The following SH3GL3 variants were observed in gnomAD, a reference collection of about 807,000 sequenced individuals.
The protein encoded by SH3GL3 is endophilin-A3.
In SH3GL3, 33 loss-of-function variants were observed where a neutral mutation model predicts 47.7. That is an observed-to-expected ratio of 0.69 (90% CI 0.52 to 0.92). SH3GL3 has a LOEUF of 0.92. SH3GL3 is among the 40% of genes least tolerant of loss of function. SH3GL3 has a pLI of 0.00. For missense variants in SH3GL3, 363 were observed against 417.8 expected (o/e 0.87, Z 1.14); for synonymous variants, 155 against 148.8 (o/e 1.04, Z -0.30).
intron 1 of SH3GL3, among the ~76,000 whole-genome samples, chr15:83,469,240 G>T (rs1439130529): frequency 6.6e-6 from 1 of 151,958 alleles, no homozygotes; most frequent in Non-Finnish European, 1.5e-5. Flanking sequence ...CCTGGTAAAG[G>T]TTTGTCAGTT....
chr15:83,598,282 C>A (rs112294181), intron 8 of SH3GL3, among the ~76,000 whole-genome samples: 1 of 152,116 alleles, frequency 6.6e-6, no homozygotes, highest in African/African-American at 2.4e-5. Context: ...AGAAAGCCAG[C>A]CAGCTTTCAG....
rs528903646 is a variant in SH3GL3, at chr15:83,501,796, C to A, written c.45+54218C>A. ...AATCCCAGCTACTTGGAGGCTGTGG[C>A]AGGAGAATTGCTTGAACCCGGGAAG... On this transcript the variant is annotated intron_variant, in intron 1 of 8. Transcript: ENST00000427482. Among the ~76,000 whole-genome samples the A allele has an allele frequency of 3.1e-4, 47 of 152,150 alleles. 1 individual carries two copies. Among genetic ancestry groups the A allele is most frequent in the Middle Eastern group, 6.8e-3 (2 of 294 alleles).
intron 1 of SH3GL3, chr15:83,488,053 T>G (rs1272563491): frequency 6.6e-6 from 1 of 151,918 alleles, no homozygotes; most frequent in African/African-American, 2.4e-5. Flanking sequence ...TTTTTTTTTG[T>G]ATTTTAGTAG....
intron 8 of SH3GL3, among the ~76,000 whole-genome samples, chr15:83,610,975 C>CA (rs200699726): frequency 1.8e-5 from 2 of 113,122 alleles, no homozygotes; most frequent in African/African-American, 5.8e-5. Flanking sequence ...GGACTTCAGC[C>CA]AAAAAATATA....
chr15:83,565,221 T>C lies in SH3GL3; in HGVS notation c.187+15T>C. ...GCCAAATCCAGGTAAAGTTGAAATATTCTCTTGTTCATTTGCTGTCACAGA... is the reference window on the plus strand; with the variant it reads ...GCCAAATCCAGGTAAAGTTGAAATACTCTCTTGTTCATTTGCTGTCACAGA... On this transcript the variant is annotated intron_variant, in intron 3 of 8. Transcript: ENST00000427482. The C allele has an allele frequency of 6.9e-7, 1 of 1,443,590 alleles. No homozygotes were observed. Among genetic ancestry groups the C allele is most frequent in the South Asian group, 1.2e-5 (1 of 86,594 alleles). 89.4% of individuals were successfully genotyped at this position (1,443,590 alleles called of 1,614,324 possible).
intron 1 of SH3GL3, among the ~76,000 whole-genome samples, chr15:83,507,330 A>G (rs1424713320): frequency 6.6e-6 from 1 of 151,906 alleles, no homozygotes; most frequent in Non-Finnish European, 1.5e-5. Flanking sequence ...TTTTTAATGA[A>G]TGATCTTTAC....
chr15:83,593,410 T>C lies in SH3GL3; in HGVS notation c.838+4639T>C, dbSNP rs574834429. The stretch of plus-strand genomic sequence containing the variant: ...TCACTATTTTTAGAATATATACAGG[T>C]CTTTTAAATTTTTTCATCAATCTCT... On this transcript the variant is annotated intron_variant, in intron 8 of 8. Coordinates refer to ENST00000427482, the MANE Select transcript of SH3GL3 (RefSeq NM_003027.5). Among the ~76,000 whole-genome samples, 26 of 152,350 alleles carry C rather than the reference T, an allele frequency of 1.7e-4. No individual in the cohort carries two copies. In the South Asian group the frequency reaches 4.3e-3, roughly 25 times the overall value.
intron 3 of SH3GL3, among the ~76,000 whole-genome samples, chr15:83,568,015 T>G (rs2045636674): frequency 6.7e-6 from 1 of 150,058 alleles, no homozygotes; most frequent in Non-Finnish European, 1.5e-5. Context: ...AAAGTCTCGC[T>G]CTTGTCCCCC....
chr15:83,631,702 G>A, the SH3GL3 span, among the ~76,000 whole-genome samples: 1,307 of 152,324 alleles, frequency 8.6e-3, 11 homozygotes, highest in African/African-American at 0.027. Context: ...GCATAGAGCC[G>A]GTTGGGGGCC....
intron 2 of SH3GL3, among the ~76,000 whole-genome samples, chr15:83,562,344 T>C (rs1232389847): frequency 1.3e-5 from 2 of 152,120 alleles, no homozygotes; most frequent in African/African-American, 4.8e-5. Context: ...TTTCAAAAGA[T>C]ATAAAAAAGA....
Position 83,489,837 on chromosome 15 carries a change from CGATAGATAGATAGATA to C in SH3GL3, c.45+42296_45+42311del, listed in dbSNP as rs60233650. 7.2e-3 allele frequency among the ~76,000 whole-genome samples: 1,043 copies of C among 144,744 alleles called. 4 individuals carry two copies. Among genetic ancestry groups the C allele is most frequent in the South Asian group, 0.021 (91 of 4,396 alleles). The allele number at this position is 144,744 out of a possible 152,430, so 95.0% of individuals were successfully genotyped here. On this transcript the variant is annotated intron_variant, in intron 1 of 8. Transcript: ENST00000427482. ...CAGTTTAGTAGGAATTGTCAGAAGCCGATAGATAGATAGATAGATAGATAGATAGATAGATAGATAG... is the reference window on the plus strand; with the variant it reads ...CAGTTTAGTAGGAATTGTCAGAAGCCGATAGATAGATAGATAGATAGATAG...
At chr15:83,625,732 T>C in the SH3GL3 span, among the ~76,000 whole-genome samples, 1 of 152,248 alleles carries the variant, frequency 6.6e-6, no homozygotes, top group Non-Finnish European at 1.5e-5. Context: ...TAGGTATACG[T>C]AATGACTAAT....
chr15:83,467,013 A>T (rs946356332), intron 1 of SH3GL3, among the ~76,000 whole-genome samples: 8 of 152,234 alleles, frequency 5.3e-5, no homozygotes, highest in Non-Finnish European at 7.3e-5. Flanking sequence ...CATCCTCTTG[A>T]ATCAGATCTT....
chr15:83,506,271 G>T (rs570093140), intron 1 of SH3GL3, among the ~76,000 whole-genome samples: 2 of 152,078 alleles, frequency 1.3e-5, no homozygotes, highest in South Asian at 2.1e-4. Flanking sequence ...TAAAGCTTTG[G>T]TTATAACATT....
chr15:83,522,713 G>A (rs1301609774), intron 1 of SH3GL3, among the ~76,000 whole-genome samples: 1 of 152,118 alleles, frequency 6.6e-6, no homozygotes, highest in Non-Finnish European at 1.5e-5. Flanking sequence ...TGATAAAGAA[G>A]AGGCAAAATA....
Position 83,447,612 on chromosome 15 carries a change from G to A in SH3GL3, c.45+34G>A, listed in dbSNP as rs1442356550. 1.4e-6 allele frequency: 2 copies of A among 1,433,236 alleles called. No individual in the cohort carries two copies. The highest frequency in any genetic ancestry group is 1.9e-6 in the Non-Finnish European group (2 of 1,069,208). 88.8% of individuals were successfully genotyped at this position (1,433,236 alleles called of 1,614,324 possible). On this transcript the variant is annotated intron_variant, in intron 1 of 8. Coordinates refer to ENST00000427482, the MANE Select transcript of SH3GL3 (RefSeq NM_003027.5). The surrounding 1 kb of genome is among the most constrained non-coding windows in gnomAD (Gnocchi z 5.1). ...GCGCAGAGGAGGGAAGGAGGGAGGG[G>A]GACGCGGAGGCTGCGGCCCCCCGAG... is the stretch of plus-strand genomic sequence containing the variant.
intron 8 of SH3GL3, among the ~76,000 whole-genome samples, chr15:83,608,644 T>C (rs1046664852): frequency 2.0e-5 from 3 of 152,166 alleles, no homozygotes; most frequent in African/African-American, 7.2e-5. Context: ...CCTGGCTCCA[T>C]GCTCCTGGCT....
chr15:83,486,435 A>T (rs1373200458), intron 1 of SH3GL3, among the ~76,000 whole-genome samples: 1 of 152,102 alleles, frequency 6.6e-6, no homozygotes, highest in African/African-American at 2.4e-5. Flanking sequence ...ATCACTAATT[A>T]TCCTCTGCCT....
chr15:83,599,898 T>C (rs1229481471), intron 8 of SH3GL3, among the ~76,000 whole-genome samples: 1 of 152,154 alleles, frequency 6.6e-6, no homozygotes, highest in Non-Finnish European at 1.5e-5. Flanking sequence ...CAGGGGTAAG[T>C]TGATATCGCA....
Sources: gnomAD v4.1 joint callset for allele counts (sites outside exome capture counted in the v4.1 genomes callset) on GRCh38, gnomAD v4.1.1 for gene constraint, Gnocchi (gnomAD v3.1) non-coding constraint, MANE v1.5 for transcripts, NCBI Gene and HGNC (gene_info 2026-07-23, HGNC 2026-07-21) for gene names.